Variants in CHSY1 observed in about 807,000 individuals in gnomAD.
The protein encoded by CHSY1 is N-acetylgalactosaminyl-proteoglycan 3-beta-glucuronosyltransferase 1.
In CHSY1, 13 loss-of-function variants were observed where a neutral mutation model predicts 59.8. The ratio of observed to expected loss-of-function variants is 0.22; its 90% CI spans 0.14 to 0.35. CHSY1 has a LOEUF of 0.35. Among genes scored for constraint, CHSY1 ranks in the 10% least tolerant of loss-of-function variants. The probability of loss-of-function intolerance (pLI) is 1.00; values close to 1 mark genes in which losing one functional copy is unlikely to be tolerated. For missense variants in CHSY1, 947 were observed against 1,030.6 expected (o/e 0.92, Z 1.11); for synonymous variants, 459 against 401.2 (o/e 1.14, Z -1.72).
intron 1 of CHSY1, among the ~76,000 whole-genome samples, chr15:101,245,898 T>C (rs1243789812): frequency 1.3e-5 from 2 of 152,238 alleles, no homozygotes; most frequent in Admixed American, 1.3e-4. Flanking sequence ...GTTTGCCAAG[T>C]TGAATTCTAT....
At chr15:101,214,893 T>C (rs2038716559) in intron 2 of CHSY1, among the ~76,000 whole-genome samples, 1 of 151,692 alleles carries the variant, frequency 6.6e-6, no homozygotes, top group Admixed American at 6.6e-5. Context: ...GGTGGCTGGA[T>C]CATGGAGGTG....
intron 2 of CHSY1, among the ~76,000 whole-genome samples, chr15:101,231,241 G>C (rs1054331403): frequency 6.6e-6 from 1 of 152,206 alleles, no homozygotes; most frequent in African/African-American, 2.4e-5. Flanking sequence ...ACTGGAAATA[G>C]CCCGAACGTC....
rs552580962 is a variant in CHSY1, at chr15:101,250,108, T to C, written c.320+1029A>G. On this transcript the variant is annotated intron_variant, in intron 1 of 2. Transcript: ENST00000254190. ...AAAACTGAAGTGTAAAGGTATTGGT[T>C]ATAAGAACAAACAGCAACCAGCTTA... is the stretch of plus-strand genomic sequence containing the variant. Among the ~76,000 whole-genome samples, 10 of 152,318 alleles carry C rather than the reference T, an allele frequency of 6.6e-5. No homozygotes were observed. In the South Asian group the frequency reaches 2.1e-3, roughly 32 times the overall value.
chr15:101,225,591 A>G (rs1431173540), intron 2 of CHSY1, among the ~76,000 whole-genome samples: 1 of 152,040 alleles, frequency 6.6e-6, no homozygotes, highest in Non-Finnish European at 1.5e-5. Context: ...CTGGTTGTTT[A>G]AACATGTGTA....
chr15:101,230,257 A>G (rs1444082457), intron 2 of CHSY1, among the ~76,000 whole-genome samples: 1 of 152,132 alleles, frequency 6.6e-6, no homozygotes, highest in Non-Finnish European at 1.5e-5. Context: ...AATGGATAGA[A>G]CATGCAGCAT....
chr15:101,232,169 A>G (rs1314276743), intron 2 of CHSY1, among the ~76,000 whole-genome samples: 1 of 152,226 alleles, frequency 6.6e-6, no homozygotes, highest in Non-Finnish European at 1.5e-5. Context: ...AAAAAACACT[A>G]TACCTTCTGG....
intron 1 of CHSY1, among the ~76,000 whole-genome samples, chr15:101,249,794 C>G (rs936439213): frequency 6.6e-6 from 1 of 152,266 alleles, no homozygotes. Flanking sequence ...GAATTACAGG[C>G]GTGAGCCACG....
chr15:101,218,929 G>A (rs779799086), intron 2 of CHSY1, among the ~76,000 whole-genome samples: 3 of 152,142 alleles, frequency 2.0e-5, no homozygotes, highest in Admixed American at 6.5e-5. Context: ...AAATACTGGC[G>A]GTATTTACAA....
intron 2 of CHSY1, among the ~76,000 whole-genome samples, chr15:101,211,580 C>T (rs1031380188): frequency 6.6e-5 from 10 of 151,882 alleles, no homozygotes; most frequent in Admixed American, 4.6e-4. Flanking sequence ...CTAATACTGA[C>T]GAAAGATGTA....
chr15:101,181,251 CCTAA>C (rs2141238811), intron 2 of CHSY1, among the ~76,000 whole-genome samples: 1 of 152,326 alleles, frequency 6.6e-6, no homozygotes, highest in East Asian at 1.9e-4. Context: ...CCACAATGTG[CCTAA>C]CTGAGAGCTA....
intron 2 of CHSY1, among the ~76,000 whole-genome samples, chr15:101,209,595 C>T (rs9920291): frequency 0.36 from 54,558 of 151,820 alleles, 11,789 homozygotes; most frequent in African/African-American, 0.61. Context: ...ACCTGCTAAA[C>T]AAAAATAACA....
intron 2 of CHSY1, among the ~76,000 whole-genome samples, chr15:101,184,502 C>A (rs2141241820): frequency 6.6e-6 from 1 of 152,000 alleles, no homozygotes; most frequent in Middle Eastern, 3.4e-3. Context: ...GCATACACCA[C>A]CACATACAGC....
At chr15:101,222,688 C>T (rs1220676461) in intron 2 of CHSY1, among the ~76,000 whole-genome samples, 1 of 152,148 alleles carries the variant, frequency 6.6e-6, no homozygotes, top group Non-Finnish European at 1.5e-5. Flanking sequence ...CGGAAAATCC[C>T]ACCCCTTGGT....
chr15:101,204,538 A>T (rs573906855), intron 2 of CHSY1, among the ~76,000 whole-genome samples: 19 of 151,904 alleles, frequency 1.3e-4, no homozygotes, highest in Non-Finnish European at 2.5e-4. Flanking sequence ...TTTGGGTGAA[A>T]GACTTATAGG....
intron 2 of CHSY1, among the ~76,000 whole-genome samples, chr15:101,221,742 G>A (rs902441270): frequency 6.6e-5 from 10 of 152,154 alleles, no homozygotes; most frequent in Non-Finnish European, 1.5e-4. Flanking sequence ...ACCTGTTCCA[G>A]GAGACGGCAC....
intron 1 of CHSY1, among the ~76,000 whole-genome samples, chr15:101,237,773 A>G: frequency 6.6e-6 from 1 of 152,256 alleles, no homozygotes; most frequent in East Asian, 1.9e-4. Flanking sequence ...TGGCTATAAT[A>G]ATTCATTCAT....
At chr15:101,225,241 T>C (rs2038829182) in intron 2 of CHSY1, among the ~76,000 whole-genome samples, 1 of 152,122 alleles carries the variant, frequency 6.6e-6, no homozygotes, top group South Asian at 2.1e-4. Flanking sequence ...CTGATTTTTT[T>C]TTTTTTGGCA....
chr15:101,180,981 A>T (rs997491341), intron 2 of CHSY1, among the ~76,000 whole-genome samples: 19 of 152,208 alleles, frequency 1.2e-4, no homozygotes, highest in African/African-American at 4.3e-4. Context: ...GAGAAAGGTT[A>T]TTTGCAGGCC....
intron 2 of CHSY1, chr15:101,188,238 A>G (rs1357557935): frequency 2.1e-6 from 2 of 969,422 alleles, no homozygotes; most frequent in Non-Finnish European, 1.2e-6. Flanking sequence ...TGGTTCAAAG[A>G]AAGTAAGCGT....
Sources: allele counts gnomAD v4.1 joint callset (sites outside exome capture counted in the v4.1 genomes callset), GRCh38; gene constraint gnomAD v4.1.1; transcripts MANE v1.5; gene names NCBI Gene and HGNC (gene_info 2026-07-23, HGNC 2026-07-21).